ENOX1: variants seen among roughly 807,000 people sequenced by gnomAD.
The protein encoded by ENOX1 is ecto-NOX disulfide-thiol exchanger 1, also known as candidate growth-related and time keeping constitutive hydroquinone (NADH) oxidase.
In ENOX1, 42 loss-of-function variants were observed where a neutral mutation model predicts 82.5. The ratio of observed to expected loss-of-function variants is 0.51; its 90% CI spans 0.40 to 0.66. ENOX1 has a LOEUF of 0.66. ENOX1 is among the 30% of genes least tolerant of loss of function. The pLI, the probability that ENOX1 is intolerant of heterozygous loss-of-function variation, is 0.00. For synonymous variants in ENOX1, 271 were observed against 282.2 expected (o/e 0.96, Z 0.40); for missense variants, 608 against 811.6 (o/e 0.75, Z 3.05).
At chr13:43,235,682 A>C (rs1280059055) in intron 15 of ENOX1, among the ~76,000 whole-genome samples, 1 of 150,572 alleles carries the variant, frequency 6.6e-6, no homozygotes, top group South Asian at 2.1e-4. Flanking sequence ...CAGTGAGCCG[A>C]GATTGTGCCA....
intron 1 of ENOX1, among the ~76,000 whole-genome samples, chr13:43,674,451 A>G (rs1449616008): frequency 1.3e-5 from 2 of 152,202 alleles, no homozygotes; most frequent in Non-Finnish European, 2.9e-5. Flanking sequence ...TAACCTTAAA[A>G]GCACATTGCT....
chr13:43,504,600 G>A (rs1566400369), intron 2 of ENOX1, among the ~76,000 whole-genome samples: 1 of 151,666 alleles, frequency 6.6e-6, no homozygotes, highest in Non-Finnish European at 1.5e-5. Flanking sequence ...CTACTAATAT[G>A]AGGAATCTAA....
At position 43,708,656 on chromosome 13, in the gene ENOX1, G is replaced by A. The variant is rs146210907; in HGVS notation, c.-284-41112C>T. 1.7e-3 allele frequency among the ~76,000 whole-genome samples: 265 copies of A among 152,286 alleles called. 1 individual carries two copies. Among genetic ancestry groups the A allele is most frequent in the East Asian group, 0.014 (73 of 5,196 alleles). On this transcript the variant is annotated intron_variant, in intron 1 of 16. Coordinates refer to ENST00000690772, the MANE Select transcript of ENOX1 (RefSeq NM_001347969.2). ...GCACCAAGGTAATTCAATACAGACA[G>A]AAAGTGTGATCTTTTCAACAAATGA...
chr13:43,228,403 T>A (rs1054949771), intron 15 of ENOX1, among the ~76,000 whole-genome samples: 3 of 152,042 alleles, frequency 2.0e-5, no homozygotes, highest in Non-Finnish European at 2.9e-5. Flanking sequence ...GGAAAAAAAA[T>A]TTTAAGTGCC....
chr13:43,722,738 T>C (rs1245172287), intron 1 of ENOX1, among the ~76,000 whole-genome samples: 1 of 151,264 alleles, frequency 6.6e-6, no homozygotes, highest in East Asian at 1.9e-4. Flanking sequence ...AAAAAAAAAA[T>C]AGGTTAAGTA....
At chr13:43,624,205 T>A (rs955963931) in intron 2 of ENOX1, among the ~76,000 whole-genome samples, 1 of 152,226 alleles carries the variant, frequency 6.6e-6, no homozygotes, top group African/African-American at 2.4e-5. Context: ...AATAGGCTTA[T>A]TGGCCATCTC....
intron 3 of ENOX1, among the ~76,000 whole-genome samples, chr13:43,443,147 C>T (rs1200366245): frequency 6.6e-6 from 1 of 152,126 alleles, no homozygotes; most frequent in African/African-American, 2.4e-5. Flanking sequence ...CATTTTAACA[C>T]ATACTTTTAT....
intron 1 of ENOX1, among the ~76,000 whole-genome samples, chr13:43,768,576 A>ATGCCACTGCACTCCAGAC (rs571557345): frequency 1.2e-3 from 180 of 152,352 alleles, no homozygotes; most frequent in Middle Eastern, 3.4e-3. Context: ...AGCTATGATC[A>ATGCCACTGCACTCCAGAC]TGCCACTGCA....
chr13:43,783,874 C>T (rs1952419715), intron 1 of ENOX1, among the ~76,000 whole-genome samples: 1 of 152,108 alleles, frequency 6.6e-6, no homozygotes, highest in Non-Finnish European at 1.5e-5. Flanking sequence ...AACAGCTTCA[C>T]CTTACTCAAA....
rs539349862 is a variant in ENOX1 at position 43,773,714 on chromosome 13, G to A, written c.-285+12938C>T. Reference sequence around the variant, plus strand: ...TTCAGAGAAACCCAGTTTTTTCAAAGTACTTATCATAAGATCCAATTACAT... The same window carrying A: ...TTCAGAGAAACCCAGTTTTTTCAAAATACTTATCATAAGATCCAATTACAT... On this transcript the variant is annotated intron_variant, in intron 1 of 16. Coordinates refer to ENST00000690772, the MANE Select transcript of ENOX1 (RefSeq NM_001347969.2). Among the ~76,000 whole-genome samples the A allele has an allele frequency of 9.2e-5, 14 of 152,244 alleles. No individual in the cohort carries two copies. The East Asian group carries it at 2.5e-3, about 27-fold the overall frequency.
At chr13:43,285,410 A>G (rs1593708844) in intron 12 of ENOX1, among the ~76,000 whole-genome samples, 1 of 152,294 alleles carries the variant, frequency 6.6e-6, no homozygotes, top group East Asian at 1.9e-4. Context: ...TGGTTCTTTT[A>G]TGTTTCCAAG....
intron 1 of ENOX1, among the ~76,000 whole-genome samples, chr13:43,782,703 GATTA>G (rs1423287559): frequency 6.6e-6 from 1 of 152,104 alleles, no homozygotes; most frequent in Non-Finnish European, 1.5e-5. Context: ...ATGGAATACA[GATTA>G]TTTAAAATAG....
intron 9 of ENOX1, among the ~76,000 whole-genome samples, chr13:43,329,058 C>T (rs2153532513): frequency 6.6e-6 from 1 of 152,276 alleles, no homozygotes; most frequent in South Asian, 2.1e-4. Context: ...AAACATTCCA[C>T]AAATAGGGCA....
intron 2 of ENOX1, among the ~76,000 whole-genome samples, chr13:43,642,520 T>C (rs764606633): frequency 4.6e-5 from 7 of 152,190 alleles, no homozygotes; most frequent in Admixed American, 1.3e-4. Context: ...ATTTAGCTGA[T>C]AGGTGTCACT....
At chr13:43,547,426 T>C (rs1593755207) in intron 2 of ENOX1, 1 of 152,210 alleles carries the variant, frequency 6.6e-6, no homozygotes, top group African/African-American at 2.4e-5. Flanking sequence ...AATGACAAGA[T>C]ACATGTATAA....
At chr13:43,275,573 AACACACAC>A (rs71202257) in intron 12 of ENOX1, among the ~76,000 whole-genome samples, 24,125 of 148,920 alleles carry the variant, frequency 0.16, 2,474 homozygotes, top group East Asian at 0.57. Flanking sequence ...GACTGACACC[AACACACAC>A]ACACACACAC....
intron 1 of ENOX1, among the ~76,000 whole-genome samples, chr13:43,704,406 A>G (rs1159926000): frequency 1.3e-5 from 2 of 152,136 alleles, no homozygotes; most frequent in Non-Finnish European, 2.9e-5. Flanking sequence ...CAAAACATAA[A>G]AACAACTTTT....
intron 16 of ENOX1, among the ~76,000 whole-genome samples, chr13:43,222,073 G>A (rs2041818952): frequency 6.6e-6 from 1 of 152,050 alleles, no homozygotes; most frequent in South Asian, 2.1e-4. Context: ...GAGTAGGCAG[G>A]GGACACCTCG....
intron 9 of ENOX1, among the ~76,000 whole-genome samples, 172 bp downstream of exon 9, chr13:43,344,366 C>T (rs1183345724): frequency 6.6e-6 from 1 of 152,088 alleles, no homozygotes; most frequent in African/African-American, 2.4e-5. Context: ...GGGCAGGGTC[C>T]GTGTTCCTCC....
Sources: allele counts gnomAD v4.1 joint callset (sites outside exome capture counted in the v4.1 genomes callset), GRCh38; gene constraint gnomAD v4.1.1; transcripts MANE v1.5; gene names NCBI Gene and HGNC (gene_info 2026-07-23, HGNC 2026-07-21).